Variants in OLA1 observed in about 807,000 individuals in gnomAD.
OLA1 encodes obg-like ATPase 1.
In OLA1, 14 loss-of-function variants were observed where a neutral mutation model predicts 48.4. The ratio of observed to expected loss-of-function variants is 0.29; its 90% CI spans 0.19 to 0.45. The LOEUF (loss-of-function observed/expected upper bound fraction) is 0.45, where lower values mean the gene tolerates loss of function less well. OLA1 is among the 20% of genes least tolerant of loss of function. OLA1 has a pLI of 1.00. For missense variants in OLA1, 325 were observed against 467.1 expected, an observed-to-expected ratio of 0.70 and a Z score of 2.80; for synonymous variants, 127 against 150.4, an observed-to-expected ratio of 0.84 and a Z score of 1.14.
intron 4 of OLA1, among the ~76,000 whole-genome samples, chr2:174,169,337 A>G (rs1687245140): frequency 1.3e-5 from 2 of 152,218 alleles, no homozygotes; most frequent in South Asian, 4.1e-4. Context: ...AATTTACACA[A>G]TTTATTGAAA....
intron 5 of OLA1, among the ~76,000 whole-genome samples, chr2:174,140,167 T>C (rs1376949429): frequency 1.3e-5 from 2 of 152,086 alleles, no homozygotes; most frequent in Admixed American, 6.6e-5. Context: ...TAAAGAAGAA[T>C]AGGTAAATAC....
chr2:174,085,965 T>C (rs1366676326), intron 7 of OLA1, among the ~76,000 whole-genome samples: 2 of 152,192 alleles, frequency 1.3e-5, no homozygotes, highest in Non-Finnish European at 2.9e-5. Flanking sequence ...GGACAGTTGG[T>C]TCCTGCATAT....
In OLA1 at chr2:174,076,238, G is replaced by A. The variant is rs745312083; in HGVS notation, c.1090-711C>T. Among the ~76,000 whole-genome samples, 13 of 152,250 alleles carry A rather than the reference G, an allele frequency of 8.5e-5. No individual in the cohort carries two copies. The East Asian group carries it at 2.3e-3, about 27-fold the overall frequency. On this transcript the variant is annotated intron_variant, in intron 10 of 10. Transcript: ENST00000284719. ...TGCAGATCCAGACATGCAATCTGCT[G>A]GTAATTTTAATAGAAGCAAGCAGCA...
intron 4 of OLA1, among the ~76,000 whole-genome samples, chr2:174,182,278 A>C (rs909676547): frequency 6.6e-6 from 1 of 152,182 alleles, no homozygotes; most frequent in Non-Finnish European, 1.5e-5. Context: ...TAATCCCAGC[A>C]CTTTGGGAGG....
chr2:174,189,265 T>C (rs929139358), intron 4 of OLA1, among the ~76,000 whole-genome samples: 99 of 152,244 alleles, frequency 6.5e-4, no homozygotes, highest in African/African-American at 2.3e-3. Flanking sequence ...GTGAATTATT[T>C]TGTAACCATG....
chr2:174,184,943 A>G (rs1574535624), intron 4 of OLA1, among the ~76,000 whole-genome samples: 1 of 152,228 alleles, frequency 6.6e-6, no homozygotes, highest in Non-Finnish European at 1.5e-5. Flanking sequence ...AAATGCAGGT[A>G]TATTAGCTAG....
chr2:174,185,081 T>C (rs1252157503), intron 4 of OLA1, among the ~76,000 whole-genome samples: 1 of 152,174 alleles, frequency 6.6e-6, no homozygotes, highest in Non-Finnish European at 1.5e-5. Flanking sequence ...TCCCCGTTCC[T>C]TGTAGTCATT....
At chr2:174,134,646 A>G (rs368780600) in intron 5 of OLA1, among the ~76,000 whole-genome samples, 5 of 152,360 alleles carry the variant, frequency 3.3e-5, no homozygotes, top group East Asian at 1.9e-4. Flanking sequence ...AGCTGTAAGA[A>G]TAATAAAGGC....
At position 174,075,168 on chromosome 2, in the gene OLA1, G is replaced by A. The variant is rs1181649909; in HGVS notation, c.*258C>T. On this transcript the variant is annotated 3_prime_UTR_variant, in exon 11 of 11. Transcript: ENST00000284719. The stretch of plus-strand genomic sequence containing the variant: ...AATGAAGTATCATGAGAGTAATATG[G>A]TTCCTGAAAAGCTTCTACAATTTGG... 1 of 377,344 alleles carries A rather than the reference G, an allele frequency of 2.7e-6. No individual in the cohort carries two copies. Among genetic ancestry groups the A allele is most frequent in the African/African-American group, 2.2e-5 (1 of 45,976 alleles). 23.4% of individuals were successfully genotyped at this position (377,344 alleles called of 1,614,324 possible). A position where few individuals can be genotyped will look rare whatever the true frequency, so the allele number is the denominator to read the frequency against.
chr2:174,097,087 C>T (rs956369078), intron 7 of OLA1, among the ~76,000 whole-genome samples: 6 of 151,950 alleles, frequency 3.9e-5, no homozygotes, highest in Non-Finnish European at 7.4e-5. Context: ...AACCGGAAAG[C>T]GAAGGTTGCA....
intron 4 of OLA1, among the ~76,000 whole-genome samples, chr2:174,151,577 C>G (rs1451968635): frequency 6.6e-6 from 1 of 151,948 alleles, no homozygotes; most frequent in Non-Finnish European, 1.5e-5. Flanking sequence ...TGTTAGAAAT[C>G]AAGACAAGAA....
chr2:174,163,654 C>T (rs1687065336), intron 4 of OLA1, among the ~76,000 whole-genome samples: 2 of 145,382 alleles, frequency 1.4e-5, no homozygotes, highest in Middle Eastern at 3.6e-3. Context: ...CGCGCCATTG[C>T]ACTCCAGCCT....
intron 4 of OLA1, among the ~76,000 whole-genome samples, chr2:174,172,980 C>T (rs1021459237): frequency 6.6e-6 from 1 of 152,088 alleles, no homozygotes; most frequent in Non-Finnish European, 1.5e-5. Flanking sequence ...ATGTGATATG[C>T]CGCCTCCCCC....
At chr2:174,081,836 T>C (rs1200241335) in intron 8 of OLA1, 88 bp downstream of exon 8, 1 of 1,239,562 alleles carries the variant, frequency 8.1e-7, no homozygotes. Context: ...AATTACTCTG[T>C]CATTTATTAT....
At chr2:174,190,931 C>A (rs1163270256) in intron 4 of OLA1, among the ~76,000 whole-genome samples, 3 of 88,842 alleles carry the variant, frequency 3.4e-5, no homozygotes, top group Admixed American at 3.8e-4. Context: ...GGCAACAGAG[C>A]AAGACTTCGT....
intron 10 of OLA1, 110 bp from the exon 11 acceptor site, chr2:174,075,637 A>G: frequency 1.5e-6 from 1 of 668,936 alleles, no homozygotes. Context: ...TGATATAAAA[A>G]AAGAAAAAAT....
At chr2:174,133,586 T>C (rs954480628) in intron 5 of OLA1, among the ~76,000 whole-genome samples, 3 of 152,078 alleles carry the variant, frequency 2.0e-5, no homozygotes, top group Non-Finnish European at 4.4e-5. Flanking sequence ...CCTCAAGCAA[T>C]CCACCCCCTC....
chr2:174,210,754 C>T (rs1220085369), intron 4 of OLA1, among the ~76,000 whole-genome samples: 1 of 152,032 alleles, frequency 6.6e-6, no homozygotes, highest in Non-Finnish European at 1.5e-5. Flanking sequence ...TTTGCTTTGA[C>T]AAATCAAGAA....
chr2:174,232,886 T>C (rs1379436169), intron 2 of OLA1, among the ~76,000 whole-genome samples: 2 of 152,156 alleles, frequency 1.3e-5, no homozygotes, highest in Non-Finnish European at 2.9e-5. Flanking sequence ...GAAAGCAGGA[T>C]CTCAAAGAGA....
Sources: allele counts gnomAD v4.1 joint callset (sites outside exome capture counted in the v4.1 genomes callset), GRCh38; gene constraint gnomAD v4.1.1; transcripts MANE v1.5; gene names NCBI Gene and HGNC (gene_info 2026-07-23, HGNC 2026-07-21).